TTLL4: variants seen among roughly 807,000 people sequenced by gnomAD.
The protein encoded by TTLL4 is tubulin monoglutamylase TTLL4.
Under a neutral mutation model 122.7 loss-of-function variants are expected in TTLL4, and 85 were observed. The ratio of observed to expected loss-of-function variants is 0.69; its 90% CI spans 0.58 to 0.83. The LOEUF (loss-of-function observed/expected upper bound fraction) is 0.83, where lower values mean the gene tolerates loss of function less well. TTLL4 is among the 40% of genes least tolerant of loss of function. The probability of loss-of-function intolerance (pLI) is 0.00; values close to 1 mark genes in which losing one functional copy is unlikely to be tolerated. For synonymous variants in TTLL4, 553 were observed against 563.0 expected (o/e 0.98, Z 0.25); for missense variants, 1,363 against 1,488.6 (o/e 0.92, Z 1.39).
intron 15 of TTLL4, 44 bp downstream of exon 15, chr2:218,750,190 G>A (rs1361616653): frequency 1.9e-6 from 3 of 1,601,018 alleles, no homozygotes; most frequent in Non-Finnish European, 2.6e-6. Context: ...AGCATGAGTA[G>A]CCCTGCTATA....
chr2:218,730,594 G>C (rs1023590142), intron 2 of TTLL4, among the ~76,000 whole-genome samples: 3 of 152,168 alleles, frequency 2.0e-5, no homozygotes, highest in Admixed American at 6.5e-5. Flanking sequence ...CAGAGGAAAA[G>C]CATCTCATAA....
chr2:218,730,078 A>T (rs1304453935), intron 2 of TTLL4, among the ~76,000 whole-genome samples: 4 of 152,164 alleles, frequency 2.6e-5, no homozygotes, highest in Non-Finnish European at 5.9e-5. Flanking sequence ...ATGTCCTACA[A>T]ATAATGACAG....
rs200655552 is a variant in TTLL4 at position 218,747,155 on chromosome 2, G to T, written c.2127G>T (p.Ala709=). The part of the protein sequence containing the change: ...LPQDAKLLRK[A]WESSSRQKWI... ...AGGACGCCAAGCTCCTGCGCAAAGC[G>T]TGGGAGAGCAGCAGCCGCCAAAAGT... is the stretch of plus-strand genomic sequence containing the variant. Residue 709 remains alanine, a synonymous_variant, in exon 9 of 20, where the codon GCG becomes GCT. Coordinates refer to ENST00000392102, the MANE Select transcript of TTLL4 (RefSeq NM_014640.5). This position sits in a 1 kb window ranked among gnomAD's most constrained non-coding sequence, Gnocchi z 4.7. 1.1e-4 allele frequency: 180 copies of T among 1,614,110 alleles called. No individual in the cohort carries two copies. The Middle Eastern group carries it at 1.8e-3, about 16-fold the overall frequency.
chr2:218,713,403 G>C (rs1459249913), intron 1 of TTLL4, among the ~76,000 whole-genome samples: 1 of 152,090 alleles, frequency 6.6e-6, no homozygotes, highest in African/African-American at 2.4e-5. Context: ...TCACCCTCCT[G>C]AGTAGCTGAG....
intron 2 of TTLL4, among the ~76,000 whole-genome samples, chr2:218,727,559 A>G (rs1282377754): frequency 1.3e-5 from 2 of 152,114 alleles, no homozygotes; most frequent in Non-Finnish European, 2.9e-5. Flanking sequence ...AACACGGTGA[A>G]ACCCTGTCTT....
chr2:218,745,754 A>G lies in TTLL4; in HGVS notation c.1850A>G (p.Asn617Ser), dbSNP rs564044928. ...LRWKMSTVTP[N>S]IVKQTIGRSH... Reference sequence around the variant, plus strand: ...TGGAAGATGAGCACAGTGACCCCCAACATTGTCAAGCAGACCATTGGACGG... The same window carrying G: ...TGGAAGATGAGCACAGTGACCCCCAGCATTGTCAAGCAGACCATTGGACGG... Residue 617 changes from asparagine to serine, a missense_variant, in exon 7 of 20, where the codon AAC becomes AGC. Physicochemically the swap from Asn to Ser is conservative, Grantham distance 46 (BLOSUM62 1). Around this residue, in one of 3 missense-constraint regions of TTLL4, gnomAD observed 760 missense variants for 808.4 expected, o/e 0.94. Coordinates refer to ENST00000392102, the MANE Select transcript of TTLL4 (RefSeq NM_014640.5). The G allele has an allele frequency of 4.3e-6, 7 of 1,613,646 alleles. No individual in the cohort carries two copies. The South Asian group carries it at 6.6e-5, about 15-fold the overall frequency.
chr2:218,737,648 A>G lies in TTLL4; in HGVS notation c.-29A>G, dbSNP rs1467377113. On this transcript the variant is annotated 5_prime_UTR_variant, in exon 3 of 20. Coordinates refer to ENST00000392102, the MANE Select transcript of TTLL4 (RefSeq NM_014640.5). Reference sequence around the variant, plus strand: ...GGCACCTTACCTCAGCAAGGCCATGAGACCGTGTGGCCATGATGTGGGCCC... The same window carrying G: ...GGCACCTTACCTCAGCAAGGCCATGGGACCGTGTGGCCATGATGTGGGCCC... 1 of 1,547,128 alleles carries G rather than the reference A, an allele frequency of 6.5e-7. No individual in the cohort carries two copies.
chr2:218,731,724 C>T (rs1283965875), intron 2 of TTLL4, among the ~76,000 whole-genome samples: 1 of 152,198 alleles, frequency 6.6e-6, no homozygotes, highest in African/African-American at 2.4e-5. Context: ...TTTCTCTTGT[C>T]TTTCCCTGAA....
At chr2:218,713,210 T>C (rs532135568) in intron 1 of TTLL4, among the ~76,000 whole-genome samples, 1 of 152,090 alleles carries the variant, frequency 6.6e-6, no homozygotes, top group Admixed American at 6.5e-5. Flanking sequence ...CGAAACCTCT[T>C]CTCTACAAAA....
chr2:218,738,013 A>G lies in TTLL4; in HGVS notation c.337A>G (p.Asn113Asp), dbSNP rs779498722. 1.9e-6 allele frequency: 3 copies of G among 1,614,030 alleles called. No homozygotes were observed. The highest frequency in any genetic ancestry group is 3.3e-5 in the Admixed American group (2 of 59,992). Residue 113 changes from asparagine (N) to aspartate (D), a missense_variant, in exon 3 of 20, where the codon AAC (asparagine) becomes GAC (aspartate). Physicochemically the swap from Asn to Asp is conservative, Grantham distance 23. Coordinates refer to ENST00000392102, the MANE Select transcript of TTLL4 (RefSeq NM_014640.5). Reference protein sequence around the residue: ...CYLHSLPDLFNSTLLYRRSSY... With the variant: ...CYLHSLPDLFDSTLLYRRSSY... ...CCTACACTCTCTCCCGGACTTGTTC[A>G]ACAGCACCCTGCTATACCGCCGCTC...
chr2:218,746,141 T>C lies in TTLL4; in HGVS notation c.1898-14T>C. On this transcript the variant is annotated splice_polypyrimidine_tract_variant and intron_variant, in intron 7 of 19. Coordinates refer to ENST00000392102, the MANE Select transcript of TTLL4 (RefSeq NM_014640.5). ...AGCTGTTAGCAAGGCTGATTCCTGA[T>C]GTACCTCCCATAGGAAACGATGACT... 1 of 1,614,142 alleles carries C rather than the reference T, an allele frequency of 6.2e-7. No homozygotes were observed. Among genetic ancestry groups the C allele is most frequent in the African/African-American group, 1.3e-5 (1 of 75,056 alleles).
chr2:218,753,413 T>G (rs965305397), intron 18 of TTLL4, 171 bp from the exon 19 acceptor site: 2 of 835,662 alleles, frequency 2.4e-6, no homozygotes, highest in African/African-American at 1.7e-5. Flanking sequence ...ACTTCTTGTT[T>G]GATTCAGAAG....
At chr2:218,715,453 G>C (rs770462608) in intron 1 of TTLL4, among the ~76,000 whole-genome samples, 2 of 152,146 alleles carry the variant, frequency 1.3e-5, no homozygotes, top group Non-Finnish European at 2.9e-5. Flanking sequence ...ACATGATTCT[G>C]TAACATGTGA....
intron 1 of TTLL4, among the ~76,000 whole-genome samples, chr2:218,713,752 G>A (rs138065551): frequency 3.3e-5 from 5 of 152,204 alleles, no homozygotes; most frequent in Non-Finnish European, 2.9e-5. Flanking sequence ...TGGTTGAATA[G>A]GAAGAATTTT....
Position 218,738,809 on chromosome 2 carries a change from G to A in TTLL4, c.1133G>A (p.Arg378Gln), listed in dbSNP as rs371981019. 34 of 1,614,104 alleles carry A rather than the reference G, an allele frequency of 2.1e-5. No homozygotes were observed. Among genetic ancestry groups the A allele is most frequent in the South Asian group, 1.4e-4 (13 of 91,078 alleles). ...TGGAATGTCCTCAACAGGAGCAGGC[G>A]GTGGAAACCTCCTGCGGTAAATCAG... The part of the protein sequence containing the change: ...FQWNVLNRSR[R>Q]WKPPAVNQQF... Residue 378 changes from arginine (R) to glutamine (Q), a missense_variant, in exon 3 of 20, where the codon CGG (arginine) becomes CAG (glutamine). By Grantham distance (43) the Arg-to-Gln change is conservative. Transcript: ENST00000392102.
In TTLL4 at chr2:218,748,913, T is replaced by C. The variant is rs1942936811; in HGVS notation, c.2579T>C (p.Val860Ala). The change falls in exon 13 of 20, where the codon GTT becomes GCT. Residue 860 changes from valine (V) to alanine (A), a missense_variant. By Grantham distance (64) the Val-to-Ala change is moderately conservative. This residue lies in a region of TTLL4 where 596 missense variants were observed against 655.8 expected (regional missense o/e 0.91). Coordinates refer to ENST00000392102, the MANE Select transcript of TTLL4 (RefSeq NM_014640.5). Reference protein sequence around the residue: ...SDAIWEKIKDVVVKTIISSEP... With the variant: ...SDAIWEKIKDAVVKTIISSEP... ...GCCATCTGGGAGAAGATAAAGGATGTTGTTGTCAAAACTATCATCTCGTGA... is the reference window on the plus strand; with the variant it reads ...GCCATCTGGGAGAAGATAAAGGATGCTGTTGTCAAAACTATCATCTCGTGA... 8.1e-6 allele frequency: 13 copies of C among 1,614,188 alleles called. No individual in the cohort carries two copies. The South Asian group carries it at 9.9e-5, about 12-fold the overall frequency.
At chr2:218,745,636 A>G (rs906649320) in intron 6 of TTLL4, 55 bp from the exon 7 acceptor site, 11 of 1,227,264 alleles carry the variant, frequency 9.0e-6, no homozygotes, top group Non-Finnish European at 1.2e-5. Flanking sequence ...TCTTCTCATC[A>G]TGACTCTCTG....
intron 2 of TTLL4, among the ~76,000 whole-genome samples, chr2:218,731,036 C>A (rs1942366155): frequency 6.6e-6 from 1 of 151,878 alleles, no homozygotes; most frequent in African/African-American, 2.4e-5. Context: ...GGTTTGAGCC[C>A]AGGAGTCCTA....
At chr2:218,724,871 T>A (rs6704575) in intron 1 of TTLL4, among the ~76,000 whole-genome samples, 1 of 151,764 alleles carries the variant, frequency 6.6e-6, no homozygotes, top group Non-Finnish European at 1.5e-5. Flanking sequence ...GTGAGACTTA[T>A]AAAAAACAGC....
Sources: allele counts gnomAD v4.1 joint callset (sites outside exome capture counted in the v4.1 genomes callset), GRCh38; gene constraint gnomAD v4.1.1; regional missense constraint gnomAD v4.1.1; non-coding constraint Gnocchi (gnomAD v3.1); transcripts MANE v1.5; gene names NCBI Gene and HGNC (gene_info 2026-07-23, HGNC 2026-07-21).